Variants in MICU3 observed in about 807,000 individuals in gnomAD.
MICU3 encodes the protein calcium uptake protein 3, mitochondrial.
A neutral mutation model predicts 66.5 loss-of-function variants in MICU3; 62 were observed. That is an observed-to-expected ratio of 0.93 (90% confidence interval 0.76 to 1.15). The LOEUF (loss-of-function observed/expected upper bound fraction) is 1.15, where lower values mean the gene tolerates loss of function less well. MICU3 is among the 50% of genes most tolerant of loss of function. The pLI is 0.00. For synonymous variants in MICU3, 308 were observed against 240.7 expected (o/e 1.28, Z -2.59); for missense variants, 779 against 664.4 (o/e 1.17, Z -1.90).
intron 8 of MICU3, among the ~76,000 whole-genome samples, chr8:17,098,087 A>G (rs142975927): frequency 6.6e-6 from 1 of 151,908 alleles, no homozygotes; most frequent in African/African-American, 2.4e-5. Context: ...GGTTGCTACA[A>G]AGTTACCAAA....
chr8:17,030,471 T>C (rs1172596083), intron 1 of MICU3, among the ~76,000 whole-genome samples: 1 of 152,210 alleles, frequency 6.6e-6, no homozygotes, highest in Non-Finnish European at 1.5e-5. Flanking sequence ...AGAGGTGCAG[T>C]AGTCTTCTGG....
intron 11 of MICU3, 64 bp from the exon 12 acceptor site, chr8:17,114,029 G>T: frequency 9.5e-7 from 1 of 1,048,312 alleles, no homozygotes; most frequent in Admixed American, 2.0e-5. Context: ...TCTCTTATGT[G>T]TAGATCCTGA....
intron 1 of MICU3, among the ~76,000 whole-genome samples, chr8:17,041,319 A>G (rs1814045084): frequency 6.6e-6 from 1 of 152,066 alleles, no homozygotes; most frequent in South Asian, 2.1e-4. Context: ...AAAAGGTAAT[A>G]CTATATTTTC....
intron 1 of MICU3, among the ~76,000 whole-genome samples, chr8:17,060,757 C>G (rs998829624): frequency 1.3e-5 from 2 of 151,960 alleles, no homozygotes. Flanking sequence ...AAGCACCAGG[C>G]CTCTGGTTAT....
rs576670547 is a variant in MICU3, at chr8:17,070,253, C to T, written c.567+534C>T. Among the ~76,000 whole-genome samples, 9 of 151,876 alleles carry T rather than the reference C, an allele frequency of 5.9e-5. No homozygotes were observed. The South Asian group carries it at 1.7e-3, about 28-fold the overall frequency. On this transcript the variant is annotated intron_variant, in intron 3 of 14. Transcript: ENST00000318063. ...AAACTTTAATATATCAATACTATAC[C>T]ATAAATAAATGTTGATATATTCATA...
chr8:17,057,013 TC>T (rs1490129387), intron 1 of MICU3, among the ~76,000 whole-genome samples: 1 of 152,218 alleles, frequency 6.6e-6, no homozygotes, highest in Non-Finnish European at 1.5e-5. Context: ...TTAGACTCAT[TC>T]TTGTTTCTGT....
At chr8:17,091,819 T>C (rs1427099981) in intron 8 of MICU3, among the ~76,000 whole-genome samples, 1 of 152,116 alleles carries the variant, frequency 6.6e-6, no homozygotes, top group Admixed American at 6.6e-5. Flanking sequence ...AAGATGAAAA[T>C]CTCACAGATT....
chr8:17,059,242 C>T (rs925229312), intron 1 of MICU3, among the ~76,000 whole-genome samples: 5 of 152,152 alleles, frequency 3.3e-5, no homozygotes, highest in East Asian at 1.9e-4. Flanking sequence ...CTAGTATTTA[C>T]GTTTCTATTC....
chr8:17,043,168 T>C lies in MICU3; in HGVS notation c.381+15508T>C, dbSNP rs1013035393. ...GTTAGCCAGGATGGTCTCGATCTCC[T>C]GACCTCGTGATCCGCCCGCCTCGGC... On this transcript the variant is annotated intron_variant, in intron 1 of 14. Coordinates refer to ENST00000318063, the MANE Select transcript of MICU3 (RefSeq NM_181723.3). 3.9e-5 allele frequency among the ~76,000 whole-genome samples: 6 copies of C among 151,944 alleles called. No individual in the cohort carries two copies. In the South Asian group the frequency reaches 6.2e-4, roughly 16 times the overall value.
Position 17,068,804 on chromosome 8 carries a change from G to A in MICU3, c.536-884G>A, listed in dbSNP as rs1819100904. Among the ~76,000 whole-genome samples the A allele has an allele frequency of 2.0e-5, 3 of 151,992 alleles. No individual in the cohort carries two copies. The South Asian group carries it at 6.2e-4, about 32-fold the overall frequency. ...ATATATTGTTAATTATACAGAAATA[G>A]CCCCATTGCCAGGTAGAAGAAGATG... On this transcript the variant is annotated intron_variant, in intron 2 of 14. Coordinates refer to ENST00000318063, the MANE Select transcript of MICU3 (RefSeq NM_181723.3).
At chr8:17,092,065 A>T (rs192160723) in intron 8 of MICU3, among the ~76,000 whole-genome samples, 1 of 152,078 alleles carries the variant, frequency 6.6e-6, no homozygotes, top group African/African-American at 2.4e-5. Context: ...TTTAGTAGAG[A>T]TTGGGTTTCA....
At position 17,027,277 on chromosome 8, in the gene MICU3, G is replaced by C. The variant is rs780345689; in HGVS notation, c.-3G>C. ...CCCAGCTCTGGTGTGGGCGGCCTCC[G>C]CTATGGCTGCGCTGCGAAGGCTCTT... On this transcript the variant is annotated 5_prime_UTR_variant, in exon 1 of 15. Coordinates refer to ENST00000318063, the MANE Select transcript of MICU3 (RefSeq NM_181723.3). 2 of 1,421,784 alleles carry C rather than the reference G, an allele frequency of 1.4e-6. No individual in the cohort carries two copies. The highest frequency in any genetic ancestry group is 1.5e-5 in the African/African-American group (1 of 65,032). The allele number at this position is 1,421,784 out of a possible 1,614,324, so 88.1% of individuals were successfully genotyped here. A position where few individuals can be genotyped will look rare whatever the true frequency, so the allele number is the denominator to read the frequency against.
intron 1 of MICU3, among the ~76,000 whole-genome samples, chr8:17,043,621 T>C (rs1814585066): frequency 6.6e-6 from 1 of 152,232 alleles, no homozygotes; most frequent in Admixed American, 6.5e-5. Flanking sequence ...GACTGCTTTC[T>C]ATCCAAATAA....
At chr8:17,090,790 A>G (rs879298283) in intron 8 of MICU3, 4 of 382,536 alleles carry the variant, frequency 1.0e-5, no homozygotes, top group South Asian at 1.7e-4. Context: ...ATAATTATAT[A>G]TCTTTAACTT....
At chr8:17,137,339 A>G in the MICU3 span, among the ~76,000 whole-genome samples, 1 of 152,056 alleles carries the variant, frequency 6.6e-6, no homozygotes, top group Admixed American at 6.6e-5. Context: ...ACATCATACT[A>G]ATTTTTTTTC....
chr8:17,113,737 TATC>T (rs1282493036), intron 11 of MICU3, among the ~76,000 whole-genome samples: 1 of 151,900 alleles, frequency 6.6e-6, no homozygotes, highest in Admixed American at 6.5e-5. Context: ...TTTTCTTTAT[TATC>T]ATATTTACCT....
intron 12 of MICU3, among the ~76,000 whole-genome samples, chr8:17,114,443 T>C (rs933925803): frequency 2.6e-5 from 4 of 152,150 alleles, no homozygotes; most frequent in Non-Finnish European, 5.9e-5. Context: ...CAGCTGGTCG[T>C]GCCCTGTTCT....
intron 1 of MICU3, among the ~76,000 whole-genome samples, chr8:17,037,969 A>T (rs2150510500): frequency 6.6e-6 from 1 of 152,210 alleles, no homozygotes; most frequent in South Asian, 2.1e-4. Flanking sequence ...TCCCATTTGG[A>T]ATGGGTGTGT....
chr8:17,085,857 C>T (rs1359539821), intron 6 of MICU3, among the ~76,000 whole-genome samples: 1 of 152,122 alleles, frequency 6.6e-6, no homozygotes, highest in Non-Finnish European at 1.5e-5. Context: ...AGCTCTGGCA[C>T]TGGTCTGACA....
Sources: gnomAD v4.1 joint callset for allele counts (sites outside exome capture counted in the v4.1 genomes callset) on GRCh38, gnomAD v4.1.1 for gene constraint, MANE v1.5 for transcripts, NCBI Gene and HGNC (gene_info 2026-07-23, HGNC 2026-07-21) for gene names.